Variants in DLGAP4 observed in about 807,000 individuals in gnomAD.
DLGAP4 encodes the protein disks large-associated protein 4.
DLGAP4 carries 18 observed loss-of-function variants against 86.9 expected under a neutral mutation model. The ratio of observed to expected loss-of-function variants is 0.21; its 90% CI spans 0.14 to 0.31. DLGAP4 has a LOEUF of 0.31. DLGAP4 is among the 10% of genes least tolerant of loss of function. The probability of loss-of-function intolerance (pLI) is 1.00; values close to 1 mark genes in which losing one functional copy is unlikely to be tolerated. For missense variants in DLGAP4, 1,085 were observed against 1,362.6 expected (o/e 0.80, Z 3.21); for synonymous variants, 548 against 574.3 (o/e 0.95, Z 0.65).
chr20:36,497,556 T>G (rs1322110133), intron 8 of DLGAP4: 1 of 989,142 alleles, frequency 1.0e-6, no homozygotes, highest in Non-Finnish European at 1.2e-6. Flanking sequence ...CCATGGGGGT[T>G]GCTCGAGGGG....
intron 7 of DLGAP4, among the ~76,000 whole-genome samples, chr20:36,455,195 T>G (rs1019483085): frequency 6.6e-6 from 1 of 151,254 alleles, no homozygotes; most frequent in Admixed American, 6.6e-5. Flanking sequence ...TCTTCCAGCT[T>G]CCCCTCCCTT....
chr20:36,484,962 T>C (rs938831241), intron 7 of DLGAP4, among the ~76,000 whole-genome samples: 2 of 152,262 alleles, frequency 1.3e-5, no homozygotes, highest in Non-Finnish European at 2.9e-5. Context: ...TCTATTGATA[T>C]ATAATAGATA....
At chr20:36,332,623 C>T (rs1362278419) in intron 1 of DLGAP4, among the ~76,000 whole-genome samples, 1 of 152,144 alleles carries the variant, frequency 6.6e-6, no homozygotes, top group Non-Finnish European at 1.5e-5. Context: ...CTCCTAACCT[C>T]AAGTGATCCG....
At chr20:36,511,759 C>A (rs181961797) in intron 10 of DLGAP4, among the ~76,000 whole-genome samples, 1 of 150,978 alleles carries the variant, frequency 6.6e-6, no homozygotes, top group Admixed American at 6.6e-5. Flanking sequence ...CCTGTAATCT[C>A]GGCTACTTCT....
At chr20:36,362,621 A>G (rs2030557663) in intron 1 of DLGAP4, among the ~76,000 whole-genome samples, 1 of 152,218 alleles carries the variant, frequency 6.6e-6, no homozygotes, top group Non-Finnish European at 1.5e-5. Context: ...ATATTTGTTC[A>G]ATGAAGTATT....
intron 7 of DLGAP4, among the ~76,000 whole-genome samples, chr20:36,467,059 T>C (rs1296510775): frequency 5.5e-4 from 33 of 59,948 alleles, no homozygotes; most frequent in South Asian, 1.9e-3. Context: ...TCTCTCTCTC[T>C]CTCTCCCCCC....
intron 7 of DLGAP4, among the ~76,000 whole-genome samples, chr20:36,467,063 T>TCTCTCC (rs1569509700): frequency 2.3e-4 from 9 of 39,368 alleles, no homozygotes; most frequent in South Asian, 1.4e-3. Flanking sequence ...TCTCTCTCTC[T>TCTCTCC]CCCCCCCCCT....
chr20:36,382,115 T>C (rs1474219118), intron 2 of DLGAP4, among the ~76,000 whole-genome samples: 1 of 152,090 alleles, frequency 6.6e-6, no homozygotes, highest in Non-Finnish European at 1.5e-5. Context: ...TTATGGGAGA[T>C]CTGGAGGTGG....
At chr20:36,497,587 C>T (rs921045430) in intron 8 of DLGAP4, 11 of 987,868 alleles carry the variant, frequency 1.1e-5, no homozygotes, top group Non-Finnish European at 1.3e-5. Flanking sequence ...AGAGCCCTCT[C>T]GGGCCTTGGG....
At chr20:36,467,097 C>T (rs2034449502) in intron 7 of DLGAP4, among the ~76,000 whole-genome samples, 1 of 147,482 alleles carries the variant, frequency 6.8e-6, no homozygotes, top group African/African-American at 2.5e-5. Context: ...CCTTCCTAGC[C>T]CTGGGCCAGG....
intron 2 of DLGAP4, among the ~76,000 whole-genome samples, chr20:36,377,730 T>G (rs1030677530): frequency 3.9e-5 from 6 of 152,164 alleles, no homozygotes; most frequent in African/African-American, 1.4e-4. Flanking sequence ...AGCTCCCACT[T>G]GAGCAAGAGT....
intron 1 of DLGAP4, among the ~76,000 whole-genome samples, chr20:36,343,418 C>T (rs888699335): frequency 3.3e-5 from 5 of 152,128 alleles, no homozygotes; most frequent in Non-Finnish European, 4.4e-5. Flanking sequence ...GCCCAGGAAC[C>T]GTGTTTCACA....
intron 7 of DLGAP4, chr20:36,462,263 G>A: frequency 7.9e-7 from 1 of 1,271,630 alleles, no homozygotes; most frequent in Non-Finnish European, 9.9e-7. Flanking sequence ...CCCCTGGTTT[G>A]TCCCCTGTCG....
chr20:36,357,462 A>T (rs1343426267), intron 1 of DLGAP4, among the ~76,000 whole-genome samples: 4 of 152,188 alleles, frequency 2.6e-5, no homozygotes, highest in African/African-American at 9.7e-5. Context: ...GCAATACAAT[A>T]TTTCTGCCTT....
intron 1 of DLGAP4, among the ~76,000 whole-genome samples, chr20:36,347,143 C>A (rs539427691): frequency 3.3e-5 from 5 of 152,168 alleles, no homozygotes; most frequent in Non-Finnish European, 7.4e-5. Context: ...GCTCCCAGAT[C>A]TCCTGGGGGC....
Position 36,406,559 on chromosome 20 carries a change from C to T in DLGAP4, c.-72-25087C>T, listed in dbSNP as rs114838051. ...TGGTCACAGGGCTGGGAAGGGGTGA[C>T]GGAGCACCTGTGGGGACCTCCAGGG... On this transcript the variant is annotated intron_variant, in intron 2 of 12. Coordinates refer to ENST00000339266, the MANE Select transcript of DLGAP4 (RefSeq NM_001365621.2). Among the ~76,000 whole-genome samples, 758 of 151,986 alleles carry T rather than the reference C, an allele frequency of 5.0e-3. 8 individuals carry two copies. The highest frequency in any genetic ancestry group is 0.018 in the African/African-American group (736 of 41,494).
intron 1 of DLGAP4, among the ~76,000 whole-genome samples, chr20:36,316,708 G>A (rs943927725): frequency 7.9e-5 from 12 of 152,120 alleles, no homozygotes; most frequent in African/African-American, 7.2e-5. Context: ...TCACCAGCCC[G>A]TCCCCTTCAG....
At chr20:36,481,432 C>T (rs1413914752) in intron 7 of DLGAP4, among the ~76,000 whole-genome samples, 1 of 152,214 alleles carries the variant, frequency 6.6e-6, no homozygotes, top group African/African-American at 2.4e-5. Context: ...AGCCATCCCT[C>T]ACTTTACGCT....
intron 7 of DLGAP4, among the ~76,000 whole-genome samples, chr20:36,480,676 C>G (rs2035146328): frequency 6.6e-6 from 1 of 152,108 alleles, no homozygotes; most frequent in Non-Finnish European, 1.5e-5. Flanking sequence ...ACACCCTGTA[C>G]TCCAGCCTAG....
Sources: gnomAD v4.1 joint callset for allele counts (sites outside exome capture counted in the v4.1 genomes callset) on GRCh38, gnomAD v4.1.1 for gene constraint, MANE v1.5 for transcripts, NCBI Gene and HGNC (gene_info 2026-07-23, HGNC 2026-07-21) for gene names.